Variants in RIN2 observed in about 807,000 individuals in gnomAD.
The protein encoded by RIN2 is RAB5 interacting protein 2.
RIN2 carries 36 observed loss-of-function variants against 78.0 expected under a neutral mutation model. The ratio of observed to expected loss-of-function variants is 0.46; its 90% CI spans 0.35 to 0.61. RIN2 has a LOEUF of 0.61. RIN2 is among the 20% of genes least tolerant of loss of function. The probability of loss-of-function intolerance (pLI) is 0.00; values close to 1 mark genes in which losing one functional copy is unlikely to be tolerated. For synonymous variants in RIN2, 466 were observed against 466.8 expected (o/e 1.00, Z 0.02); for missense variants, 1,087 against 1,159.7 (o/e 0.94, Z 0.91).
intron 3 of RIN2, among the ~76,000 whole-genome samples, chr20:19,910,799 C>A (rs1339704975): frequency 6.6e-6 from 1 of 151,942 alleles, no homozygotes; most frequent in Non-Finnish European, 1.5e-5. Context: ...AACTCTTGAC[C>A]TCAAGTGATC....
rs1358707834 is a variant in RIN2, at chr20:19,953,125, G to A, written c.159-3490G>A. ...GGTTGTAAACTTGGTTGCACGTTGG[G>A]ATCCCCTGGGGAATTTTTTTTTCTT... On this transcript the variant is annotated intron_variant, in intron 4 of 12. Transcript: ENST00000255006. Among the ~76,000 whole-genome samples the A allele has an allele frequency of 2.7e-5, 4 of 150,504 alleles. No homozygotes were observed. In the East Asian group the frequency reaches 7.8e-4, roughly 29 times the overall value.
chr20:19,886,462 TAGTCACTTCC>T, intron 2 of RIN2: 1 of 493,022 alleles, frequency 2.0e-6, no homozygotes, highest in Middle Eastern at 5.4e-4. Flanking sequence ...GAATGAGGAA[TAGTCACTTCC>T]TGCCTTTGTC....
chr20:19,863,979 C>A (rs1199112399), intron 2 of RIN2, among the ~76,000 whole-genome samples: 1 of 148,996 alleles, frequency 6.7e-6, no homozygotes, highest in Non-Finnish European at 1.5e-5. Flanking sequence ...GGCTAGATTG[C>A]CCCCAAGAAG....
chr20:19,996,942 A>G (rs939732205), intron 12 of RIN2, 100 bp downstream of exon 12: 4 of 1,256,296 alleles, frequency 3.2e-6, no homozygotes, highest in South Asian at 3.2e-5. Flanking sequence ...GTGTTGAATT[A>G]TTTGGCAGGA....
chr20:19,858,280 C>T (rs1305749791), intron 2 of RIN2, among the ~76,000 whole-genome samples: 1 of 152,112 alleles, frequency 6.6e-6, no homozygotes, highest in Non-Finnish European at 1.5e-5. Flanking sequence ...GGTCAGGCTA[C>T]ATCTGAGTGA....
intron 3 of RIN2, among the ~76,000 whole-genome samples, chr20:19,905,843 G>C (rs56188312): frequency 0.042 from 6,341 of 152,242 alleles, 451 homozygotes; most frequent in African/African-American, 0.14. Flanking sequence ...GTTGCTACAG[G>C]GACTGTATTG....
chr20:19,918,498 A>G (rs2123778938), intron 3 of RIN2, among the ~76,000 whole-genome samples: 1 of 151,632 alleles, frequency 6.6e-6, no homozygotes, highest in South Asian at 2.1e-4. Context: ...ATAACACCTT[A>G]AACGAACTTT....
Position 19,915,145 on chromosome 20 carries a change from G to C in RIN2, c.58-19954G>C, listed in dbSNP as rs187630221. Among the ~76,000 whole-genome samples, 810 of 152,304 alleles carry C rather than the reference G, an allele frequency of 5.3e-3. 5 individuals carry two copies. Among genetic ancestry groups the C allele is most frequent in the African/African-American group, 0.018 (745 of 41,562 alleles). On this transcript the variant is annotated intron_variant, in intron 3 of 12. Transcript: ENST00000255006. ...CATTGTTTGGGTTCCTCCAGTAGCAGAGACAGAATACGAATGCAAGTAGTC... is the reference window on the plus strand; with the variant it reads ...CATTGTTTGGGTTCCTCCAGTAGCACAGACAGAATACGAATGCAAGTAGTC...
chr20:19,984,582 C>T (rs2042568404), intron 9 of RIN2, among the ~76,000 whole-genome samples: 1 of 152,170 alleles, frequency 6.6e-6, no homozygotes, highest in Non-Finnish European at 1.5e-5. Context: ...GCCTGGCCAA[C>T]ATGGTGAAAC....
At chr20:19,927,604 G>C in intron 3 of RIN2, among the ~76,000 whole-genome samples, 1 of 152,008 alleles carries the variant, frequency 6.6e-6, no homozygotes, top group East Asian at 1.9e-4. Context: ...TAGTAGAGAC[G>C]GGGTTCCACT....
At chr20:19,769,289 A>G (rs955090885) in intron 1 of RIN2, among the ~76,000 whole-genome samples, 1 of 152,178 alleles carries the variant, frequency 6.6e-6, no homozygotes, top group African/African-American at 2.4e-5. Context: ...AAGGGTAAGT[A>G]ATGAATAGGA....
In RIN2 at chr20:19,981,469, G is replaced by C. The variant is rs946714503; in HGVS notation, c.1762+5682G>C. Among the ~76,000 whole-genome samples the C allele has an allele frequency of 2.6e-5, 4 of 152,182 alleles. No individual in the cohort carries two copies. In the East Asian group the frequency reaches 7.7e-4, roughly 29 times the overall value. On this transcript the variant is annotated intron_variant, in intron 9 of 12. Coordinates refer to ENST00000255006, the MANE Select transcript of RIN2 (RefSeq NM_018993.4). ...CTGCCCACACTCAAGGGATGGAGTAGAATTAAGCTCCACCTCCCAGAAGCG... is the reference window on the plus strand; with the variant it reads ...CTGCCCACACTCAAGGGATGGAGTACAATTAAGCTCCACCTCCCAGAAGCG...
At chr20:19,792,627 A>G (rs1396054346) in intron 1 of RIN2, among the ~76,000 whole-genome samples, 1 of 152,254 alleles carries the variant, frequency 6.6e-6, no homozygotes, top group Non-Finnish European at 1.5e-5. Flanking sequence ...AAGGGGGGAC[A>G]GTGATGACAA....
At chr20:19,904,769 C>T (rs2039146613) in intron 3 of RIN2, among the ~76,000 whole-genome samples, 1 of 152,190 alleles carries the variant, frequency 6.6e-6, no homozygotes, top group Non-Finnish European at 1.5e-5. Flanking sequence ...ATGTGCCACC[C>T]TCATAAAGCT....
rs558440926 is a variant in RIN2, at chr20:19,985,960, A to G, written c.1763-4046A>G. ...ATGAAAACATAGTAGGCCTCCCTGG[A>G]TGGAGTTTGTCTGAGGATTTGAAGA... is the stretch of plus-strand genomic sequence containing the variant. On this transcript the variant is annotated intron_variant, in intron 9 of 12. Transcript: ENST00000255006. Among the ~76,000 whole-genome samples, 11 of 152,292 alleles carry G rather than the reference A, an allele frequency of 7.2e-5. No individual in the cohort carries two copies. In the South Asian group the frequency reaches 1.0e-3, roughly 14 times the overall value.
chr20:19,856,707 A>G (rs2037181061), intron 2 of RIN2, among the ~76,000 whole-genome samples: 1 of 152,116 alleles, frequency 6.6e-6, no homozygotes, highest in South Asian at 2.1e-4. Flanking sequence ...TGATACATAA[A>G]ATAATGATGT....
chr20:19,866,953 T>G (rs770563526), intron 2 of RIN2, among the ~76,000 whole-genome samples: 10 of 152,178 alleles, frequency 6.6e-5, no homozygotes, highest in Non-Finnish European at 1.5e-4. Context: ...ACACACATGT[T>G]AGTGTTTTGC....
chr20:19,846,860 A>T (rs908656438), intron 2 of RIN2, among the ~76,000 whole-genome samples: 2 of 152,178 alleles, frequency 1.3e-5, no homozygotes, highest in African/African-American at 2.4e-5. Context: ...TGGGTTTGTC[A>T]TGAATAGAGA....
intron 2 of RIN2, among the ~76,000 whole-genome samples, chr20:19,816,748 A>C (rs1395088186): frequency 6.6e-6 from 1 of 152,226 alleles, no homozygotes; most frequent in Non-Finnish European, 1.5e-5. Context: ...TAACCTCTGC[A>C]TAAAAGAGGA....
Sources: gnomAD v4.1 joint callset for allele counts (sites outside exome capture counted in the v4.1 genomes callset) on GRCh38, gnomAD v4.1.1 for gene constraint, MANE v1.5 for transcripts, NCBI Gene and HGNC (gene_info 2026-07-23, HGNC 2026-07-21) for gene names.